The following NEDD4 variants were observed in gnomAD, a reference collection of about 807,000 sequenced individuals.
NEDD4 encodes the protein NEDD4 E3 ubiquitin protein ligase, also known as E3 ubiquitin-protein ligase NEDD4.
NEDD4 carries 99 observed loss-of-function variants against 144.9 expected under a neutral mutation model. The observed-to-expected ratio is 0.68, with a 90% confidence interval of 0.58 to 0.81. NEDD4 has a LOEUF of 0.81. Ranked by LOEUF, NEDD4 falls within the 30% of genes least tolerant of loss-of-function variation. NEDD4 has a pLI of 0.00. For missense variants in NEDD4, 985 were observed against 1,065.9 expected (o/e 0.92, Z 1.06); for synonymous variants, 318 against 350.6 (o/e 0.91, Z 1.04).
chr15:55,881,844 T>A (rs1207742948), intron 5 of NEDD4, among the ~76,000 whole-genome samples: 1 of 152,128 alleles, frequency 6.6e-6, no homozygotes, highest in African/African-American at 2.4e-5. Context: ...TCGAGCCAGA[T>A]AATTTTTTTT....
At chr15:55,949,923 A>G (rs1316761321) in intron 4 of NEDD4, among the ~76,000 whole-genome samples, 1 of 152,156 alleles carries the variant, frequency 6.6e-6, no homozygotes, top group Non-Finnish European at 1.5e-5. Flanking sequence ...CACGTTGTGC[A>G]CAGGTACCCT....
intron 5 of NEDD4, among the ~76,000 whole-genome samples, chr15:55,908,552 G>A (rs1181032300): frequency 2.0e-5 from 3 of 152,082 alleles, no homozygotes; most frequent in Non-Finnish European, 4.4e-5. Flanking sequence ...GTGTGTCTGG[G>A]GAATTACCAG....
chr15:55,974,891 C>CTTTTTTTTTTTTCTTTTTTTTTTTTTTT (rs2037673565), intron 1 of NEDD4, among the ~76,000 whole-genome samples: 1 of 75,700 alleles, frequency 1.3e-5, no homozygotes, highest in African/African-American at 5.1e-5. Flanking sequence ...CTTTTCCTTT[C>CTTTTTTTTTTTTCTTTTTTTTTTTTTTT]TTTTTTTTTT....
chr15:55,982,989 A>C (rs1289181234), intron 1 of NEDD4, among the ~76,000 whole-genome samples: 1 of 151,938 alleles, frequency 6.6e-6, no homozygotes, highest in Non-Finnish European at 1.5e-5. Context: ...AGGCATGGTG[A>C]CTGGCGCCTG....
rs890332119 is a variant in NEDD4, at chr15:55,915,182, G to C, written c.291+9464C>G. ...ACAAAATACTGCTAGCTAAGGACCA[G>C]GAAAATATGTAAAACTGCTTGGTTA... is the stretch of plus-strand genomic sequence containing the variant. On this transcript the variant is annotated intron_variant, in intron 5 of 28. Coordinates refer to ENST00000435532, the MANE Select transcript of NEDD4 (RefSeq NM_006154.4). The C allele has an allele frequency of 1.0e-5, 11 of 1,098,894 alleles. No homozygotes were observed. The South Asian group carries it at 2.0e-4, about 20-fold the overall frequency. The allele number at this position is 1,098,894 out of a possible 1,614,324, so 68.1% of individuals were successfully genotyped here. A position where few individuals can be genotyped will look rare whatever the true frequency, so the allele number is the denominator to read the frequency against.
intron 2 of NEDD4, among the ~76,000 whole-genome samples, chr15:55,960,937 T>C (rs1353784932): frequency 6.6e-6 from 1 of 152,216 alleles, no homozygotes; most frequent in Non-Finnish European, 1.5e-5. Flanking sequence ...CATGCTGCCC[T>C]CTTCTCTCTG....
chr15:55,977,722 AT>A (rs1351984110), intron 1 of NEDD4, among the ~76,000 whole-genome samples: 1 of 150,660 alleles, frequency 6.6e-6, no homozygotes, highest in Non-Finnish European at 1.5e-5. Flanking sequence ...AAAATGGGAG[AT>A]TTTATTTAAT....
chr15:55,894,684 T>G (rs970328116), intron 5 of NEDD4, among the ~76,000 whole-genome samples: 12 of 152,316 alleles, frequency 7.9e-5, no homozygotes, highest in Admixed American at 7.8e-4. Context: ...CACAGACTTG[T>G]GAAAACAGAT....
rs1039101835 is a variant in NEDD4, at chr15:55,902,681, T to C, written c.291+21965A>G. ...GGGAAAAAACTAGCTTATAATAATA[T>C]AGGTAGTTTATAACATTTATTAAAT... On this transcript the variant is annotated intron_variant, in intron 5 of 28. Coordinates refer to ENST00000435532, the MANE Select transcript of NEDD4 (RefSeq NM_006154.4). 3.0e-4 allele frequency among the ~76,000 whole-genome samples: 46 copies of C among 152,064 alleles called. 1 individual carries two copies. Among genetic ancestry groups the C allele is most frequent in the African/African-American group, 1.1e-3 (45 of 41,394 alleles).
Position 55,897,683 on chromosome 15 carries a change from A to G in NEDD4, c.292-23675T>C, listed in dbSNP as rs79722564. Among the ~76,000 whole-genome samples, 1,370 of 152,268 alleles carry G rather than the reference A, an allele frequency of 9.0e-3. 11 individuals are homozygous for G. The highest frequency in any genetic ancestry group is 0.029 in the African/African-American group (1,201 of 41,546). On this transcript the variant is annotated intron_variant, in intron 5 of 28. Coordinates refer to ENST00000435532, the MANE Select transcript of NEDD4 (RefSeq NM_006154.4). ...GACAGCCTGGTAAGGTTTGGGCTCC[A>G]GACTGGTTTATTAATTCCCTGCCCA...
At chr15:55,894,869 A>G (rs1405972852) in intron 5 of NEDD4, among the ~76,000 whole-genome samples, 17 of 152,198 alleles carry the variant, frequency 1.1e-4, no homozygotes, top group African/African-American at 3.6e-4. Context: ...ATAGGATTTT[A>G]TAATTATTTC....
Position 55,828,708 on chromosome 15 carries a change from G to A in NEDD4, c.*1189C>T, listed in dbSNP as rs1447619034. ...TTTATGTACTTCAGTTTGGTTAAAG[G>A]AAGATATGAACTGTAGCATTTTGCC... On this transcript the variant is annotated 3_prime_UTR_variant, in exon 29 of 29. Coordinates refer to ENST00000435532, the MANE Select transcript of NEDD4 (RefSeq NM_006154.4). The A allele has an allele frequency of 6.6e-6, 1 of 152,600 alleles. No homozygotes were observed. Among genetic ancestry groups the A allele is most frequent in the Non-Finnish European group, 1.5e-5 (1 of 68,028 alleles). The allele number at this position is 152,600 out of a possible 1,614,324, so 9.5% of individuals were successfully genotyped here. A position where few individuals can be genotyped will look rare whatever the true frequency, so the allele number is the denominator to read the frequency against.
intron 18 of NEDD4, among the ~76,000 whole-genome samples, chr15:55,842,419 C>T (rs577401983): frequency 6.6e-6 from 1 of 152,266 alleles, no homozygotes; most frequent in South Asian, 2.1e-4. Flanking sequence ...TTGGAGACAG[C>T]TCTGTAGTCC....
Position 55,852,422 on chromosome 15 carries a change from ACCTGTACAGTGGG to A in NEDD4, c.1135_1146+1del. 6.2e-7 allele frequency: 1 copy of A among 1,608,664 alleles called. No homozygotes were observed. Among genetic ancestry groups the A allele is most frequent in the Non-Finnish European group, 8.5e-7 (1 of 1,176,946 alleles). On this transcript the variant is annotated splice_donor_variant and coding_sequence_variant, in exon 13 of 29. Coordinates refer to ENST00000435532, the MANE Select transcript of NEDD4 (RefSeq NM_006154.4). LOFTEE classifies it high-confidence loss of function. ...AAAGCAAGTTGATAGATTACAGGATACCTGTACAGTGGGCTTTGTCCAAGTAGTCGTTCTGGAA... is the reference window on the plus strand; with the variant it reads ...AAAGCAAGTTGATAGATTACAGGATACTTTGTCCAAGTAGTCGTTCTGGAA...
At chr15:55,893,629 T>C (rs1421482892) in intron 5 of NEDD4, among the ~76,000 whole-genome samples, 1 of 151,526 alleles carries the variant, frequency 6.6e-6, no homozygotes, top group Non-Finnish European at 1.5e-5. Context: ...TTTGGACACA[T>C]GATATTCGCA....
At chr15:55,912,621 A>C (rs1428892269) in intron 5 of NEDD4, among the ~76,000 whole-genome samples, 1 of 152,132 alleles carries the variant, frequency 6.6e-6, no homozygotes, top group African/African-American at 2.4e-5. Flanking sequence ...AGATGGGGGA[A>C]ACAAAATAAC....
At chr15:55,896,258 T>C (rs909677898) in intron 5 of NEDD4, among the ~76,000 whole-genome samples, 1 of 152,206 alleles carries the variant, frequency 6.6e-6, no homozygotes, top group Non-Finnish European at 1.5e-5. Context: ...TTTGGCTCAC[T>C]GCAACCTCCA....
intron 24 of NEDD4, 138 bp from the exon 25 acceptor site, chr15:55,834,424 A>AT (rs1184709108): frequency 1.6e-6 from 1 of 618,864 alleles, no homozygotes; most frequent in Non-Finnish European, 2.9e-6. Flanking sequence ...CTTCACTGAG[A>AT]TCTCAATATT....
intron 21 of NEDD4, among the ~76,000 whole-genome samples, chr15:55,839,993 AAAAAAAATATATATATATAT>A (rs1340391117): frequency 1.6e-4 from 7 of 43,316 alleles, no homozygotes; most frequent in South Asian, 8.8e-4. Flanking sequence ...AAAAAAAAAA[AAAAAAAATATATATATATAT>A]ATATATATAT....
Sources: allele counts gnomAD v4.1 joint callset (sites outside exome capture counted in the v4.1 genomes callset), GRCh38; gene constraint gnomAD v4.1.1; transcripts MANE v1.5; gene names NCBI Gene and HGNC (gene_info 2026-07-23, HGNC 2026-07-21).